The following TMC2 variants were observed in gnomAD, a reference collection of about 807,000 sequenced individuals.
TMC2 encodes the protein transmembrane channel-like protein 2.
Under a neutral mutation model 105.9 loss-of-function variants are expected in TMC2, and 102 were observed. That is an observed-to-expected ratio of 0.96 (90% CI 0.82 to 1.14). The LOEUF (loss-of-function observed/expected upper bound fraction) is 1.14. Among genes scored for constraint, TMC2 ranks in the 50% most tolerant of loss-of-function variants. The pLI, the probability that TMC2 is intolerant of heterozygous loss-of-function variation, is 0.00. For missense variants in TMC2, 1,093 were observed against 1,134.3 expected (o/e 0.96, Z 0.52); for synonymous variants, 402 against 422.8 (o/e 0.95, Z 0.60).
rs2146278611 is a variant in TMC2, at chr20:2,641,573, C to G, written c.*222C>G. On this transcript the variant is annotated 3_prime_UTR_variant, in exon 20 of 20. Transcript: ENST00000358864. ...TAGGGAAGCTGGAGCCATCTCTGCACTAACTGCCCTCCCAAATATCTTGGT... is the reference window on the plus strand; with the variant it reads ...TAGGGAAGCTGGAGCCATCTCTGCAGTAACTGCCCTCCCAAATATCTTGGT... The G allele has an allele frequency of 1.8e-6, 1 of 544,846 alleles. No homozygotes were observed. The highest frequency in any genetic ancestry group is 3.0e-5 in the East Asian group (1 of 33,474). 33.8% of individuals were successfully genotyped at this position (544,846 alleles called of 1,614,324 possible).
intron 5 of TMC2, among the ~76,000 whole-genome samples, chr20:2,573,005 C>T (rs2086114414): frequency 1.3e-5 from 2 of 151,430 alleles, no homozygotes; most frequent in Non-Finnish European, 2.9e-5. Flanking sequence ...TAGTGGCAGC[C>T]TTGAACTCCT....
At chr20:2,589,318 G>A (rs2086253069) in intron 7 of TMC2, among the ~76,000 whole-genome samples, 1 of 150,450 alleles carries the variant, frequency 6.6e-6, no homozygotes, top group East Asian at 1.9e-4. Flanking sequence ...GTGTGTGTGT[G>A]TGTGTGGAGA....
In TMC2 at chr20:2,574,886, C is replaced by T. The variant is rs140394038; in HGVS notation, c.645+2617C>T. 3.2e-3 allele frequency among the ~76,000 whole-genome samples: 491 copies of T among 152,092 alleles called. 2 individuals carry two copies. The highest frequency in any genetic ancestry group is 0.011 in the African/African-American group (455 of 41,486). On this transcript the variant is annotated intron_variant, in intron 5 of 19. Transcript: ENST00000358864. ...GATTATGGGCATGCGCCACCATACCCGGCTAATTTTTGTATTTTTAGTAGA... is the reference window on the plus strand; with the variant it reads ...GATTATGGGCATGCGCCACCATACCTGGCTAATTTTTGTATTTTTAGTAGA...
At chr20:2,569,030 A>G (rs183015074) in intron 4 of TMC2, among the ~76,000 whole-genome samples, 3 of 152,294 alleles carry the variant, frequency 2.0e-5, no homozygotes, top group African/African-American at 7.2e-5. Context: ...ACCTTCTTCC[A>G]TCTGCCCTAA....
intron 8 of TMC2, among the ~76,000 whole-genome samples, chr20:2,593,001 T>G (rs993875257): frequency 4.6e-5 from 7 of 152,186 alleles, no homozygotes; most frequent in African/African-American, 1.7e-4. Flanking sequence ...TAAACCCAAT[T>G]GTATTAGTTC....
At chr20:2,567,859 A>C (rs1235258684) in intron 4 of TMC2, among the ~76,000 whole-genome samples, 1 of 152,252 alleles carries the variant, frequency 6.6e-6, no homozygotes, top group Non-Finnish European at 1.5e-5. Flanking sequence ...TTTAAAACTC[A>C]GTGAGTGGGC....
At chr20:2,539,420 T>C (rs1310079255) in intron 2 of TMC2, among the ~76,000 whole-genome samples, 2 of 152,192 alleles carry the variant, frequency 1.3e-5, no homozygotes, top group Non-Finnish European at 2.9e-5. Flanking sequence ...AAATTATATC[T>C]ACAGTGCTGG....
intron 2 of TMC2, among the ~76,000 whole-genome samples, chr20:2,545,835 A>C (rs1346454973): frequency 1.4e-5 from 2 of 148,104 alleles, no homozygotes; most frequent in Admixed American, 6.7e-5. Flanking sequence ...GAAAGAAAGA[A>C]AGAAAGAAAG....
chr20:2,572,850 T>C (rs1232463858), intron 5 of TMC2, among the ~76,000 whole-genome samples: 1 of 152,174 alleles, frequency 6.6e-6, no homozygotes, highest in Non-Finnish European at 1.5e-5. Context: ...TTCTGAACAA[T>C]CATTTGATGT....
intron 11 of TMC2, among the ~76,000 whole-genome samples, chr20:2,607,993 G>A (rs1038225271): frequency 3.9e-5 from 6 of 152,024 alleles, no homozygotes; most frequent in African/African-American, 1.4e-4. Context: ...GCATGGTGGC[G>A]CATGCCTGTA....
chr20:2,539,972 A>ATTCTT lies in TMC2; in HGVS notation c.82+2674_82+2678dup, dbSNP rs1242838485. Among the ~76,000 whole-genome samples the ATTCTT allele has an allele frequency of 2.1e-4, 30 of 142,052 alleles. 1 individual carries two copies. Among genetic ancestry groups the ATTCTT allele is most frequent in the African/African-American group, 4.2e-4 (16 of 38,310 alleles). The allele number at this position is 142,052 out of a possible 152,430, so 93.2% of individuals were successfully genotyped here. On this transcript the variant is annotated intron_variant, in intron 2 of 19. Coordinates refer to ENST00000358864, the MANE Select transcript of TMC2 (RefSeq NM_080751.3). ...ACTCCCGCAAATAGCACACAAGACT[A>ATTCTT]TTCTTTTCTTTTCTTTTCTTTTTTT... is the stretch of plus-strand genomic sequence containing the variant.
intron 17 of TMC2, among the ~76,000 whole-genome samples, chr20:2,628,099 C>T (rs1191916775): frequency 6.6e-6 from 1 of 150,572 alleles, no homozygotes; most frequent in African/African-American, 2.4e-5. Context: ...ACCCAGGAGG[C>T]AGAGGTTGCA....
chr20:2,597,927 G>T (rs2086320619), intron 10 of TMC2, among the ~76,000 whole-genome samples: 1 of 152,100 alleles, frequency 6.6e-6, no homozygotes, highest in African/African-American at 2.4e-5. Context: ...AACTTTTTCT[G>T]CATACTAGAA....
chr20:2,582,868 T>C (rs995932447), intron 7 of TMC2, among the ~76,000 whole-genome samples: 15 of 152,226 alleles, frequency 9.9e-5, no homozygotes, highest in Non-Finnish European at 1.9e-4. Context: ...CAGCTCTGAA[T>C]GTAAGAATGA....
chr20:2,578,686 C>T (rs1004578175), intron 5 of TMC2, among the ~76,000 whole-genome samples: 1 of 151,838 alleles, frequency 6.6e-6, no homozygotes, highest in African/African-American at 2.4e-5. Context: ...TGCACCACCC[C>T]TGCAATTTTG....
chr20:2,541,515 C>T (rs2085889649), intron 2 of TMC2, among the ~76,000 whole-genome samples: 1 of 151,948 alleles, frequency 6.6e-6, no homozygotes, highest in Non-Finnish European at 1.5e-5. Context: ...GTGGCACACA[C>T]CTGTAATCCC....
In TMC2 at chr20:2,637,475, T is replaced by A. The variant is rs1259376513; in HGVS notation, c.2387T>A (p.Leu796His). The change falls in exon 19 of 20, where the codon CTC becomes CAC. Residue 796 changes from leucine to histidine, a missense_variant and splice_region_variant. Leu to His is a moderately conservative substitution (Grantham distance 99). Transcript: ENST00000358864. The stretch of plus-strand genomic sequence containing the variant: ...CCAACAGTTCATTATTTCCTGCAGC[T>A]CCGTGAAGTTGAGAAGAGTCACAAA... ...NAQLRKKIQV[L>H]REVEKSHKSV... The A allele has an allele frequency of 6.2e-7, 1 of 1,604,350 alleles. No homozygotes were observed. The highest frequency in any genetic ancestry group is 8.5e-7 in the Non-Finnish European group (1 of 1,172,274).
In TMC2 at chr20:2,616,137, C is replaced by T. The variant is rs1204833514; in HGVS notation, c.1873C>T (p.Pro625Ser). ...TCTCGCTCCCTCCCTCCCTCTCTAG[C>T]CTTCATATGCTGAGTTTGATATTAG... Reference protein sequence around the residue: ...CWCWDLEAGFPSYAEFDISGN... With the variant: ...CWCWDLEAGFSSYAEFDISGN... The change falls in exon 15 of 20, where the codon CCT becomes TCT. Residue 625 changes from proline (P) to serine (S), a missense_variant and splice_region_variant. Physicochemically the swap from Pro to Ser is moderately conservative, Grantham distance 74. Coordinates refer to ENST00000358864, the MANE Select transcript of TMC2 (RefSeq NM_080751.3). The surrounding 1 kb of genome is among the most constrained non-coding windows in gnomAD (Gnocchi z 4.8). 2 of 1,612,102 alleles carry T rather than the reference C, an allele frequency of 1.2e-6. No individual in the cohort carries two copies. Among genetic ancestry groups the T allele is most frequent in the Non-Finnish European group, 1.7e-6 (2 of 1,178,562 alleles).
chr20:2,608,773 A>G lies in TMC2; in HGVS notation c.1414-1646A>G, dbSNP rs573295594. The stretch of plus-strand genomic sequence containing the variant: ...GTATGAGTTTAAATGTTATATCCTT[A>G]TTTCTATTATATACTTAAAGTATTT... On this transcript the variant is annotated intron_variant, in intron 11 of 19. Coordinates refer to ENST00000358864, the MANE Select transcript of TMC2 (RefSeq NM_080751.3). Among the ~76,000 whole-genome samples, 14 of 152,162 alleles carry G rather than the reference A, an allele frequency of 9.2e-5. No homozygotes were observed. The South Asian group carries it at 1.5e-3, about 16-fold the overall frequency.
Sources: allele counts gnomAD v4.1 joint callset (sites outside exome capture counted in the v4.1 genomes callset), GRCh38; gene constraint gnomAD v4.1.1; non-coding constraint Gnocchi (gnomAD v3.1); transcripts MANE v1.5; gene names NCBI Gene and HGNC (gene_info 2026-07-23, HGNC 2026-07-21).